The following KCNT2 variants were observed in gnomAD, a reference collection of about 807,000 sequenced individuals.
The protein encoded by KCNT2 is potassium channel subfamily T member 2.
A neutral mutation model predicts 153.8 loss-of-function variants in KCNT2; 67 were observed. The observed-to-expected ratio is 0.44, with a 90% CI of 0.36 to 0.53. KCNT2 has a LOEUF of 0.53. Ranked by LOEUF, KCNT2 falls within the 20% of genes least tolerant of loss-of-function variation. The pLI is 0.00. For synonymous variants in KCNT2, 500 were observed against 458.8 expected, an observed-to-expected ratio of 1.09 and a Z score of -1.15; for missense variants, 975 against 1,354.8, an observed-to-expected ratio of 0.72 and a Z score of 4.40.
intron 1 of KCNT2, among the ~76,000 whole-genome samples, chr1:196,524,352 G>A (rs547547792): frequency 2.7e-5 from 4 of 150,614 alleles, no homozygotes; most frequent in East Asian, 3.9e-4. Flanking sequence ...AAAGGTCCAC[G>A]GACTGAGAAT....
intron 25 of KCNT2, among the ~76,000 whole-genome samples, chr1:196,263,943 T>G (rs1442570642): frequency 6.6e-6 from 1 of 152,172 alleles, no homozygotes; most frequent in Non-Finnish European, 1.5e-5. Context: ...CTGCATTGTG[T>G]GTATATGTGT....
At chr1:196,564,594 A>T (rs1375040559) in intron 1 of KCNT2, among the ~76,000 whole-genome samples, 1 of 152,032 alleles carries the variant, frequency 6.6e-6, no homozygotes, top group African/African-American at 2.4e-5. Context: ...ATCTGGCTTC[A>T]AATATACCAC....
intron 1 of KCNT2, among the ~76,000 whole-genome samples, chr1:196,531,722 C>T (rs1464244865): frequency 6.6e-6 from 1 of 152,022 alleles, no homozygotes; most frequent in Non-Finnish European, 1.5e-5. Context: ...GAAATAAGAG[C>T]TCAGTGATTA....
At chr1:196,314,274 T>C (rs1662484201) in intron 21 of KCNT2, among the ~76,000 whole-genome samples, 2 of 151,614 alleles carry the variant, frequency 1.3e-5, no homozygotes, top group South Asian at 2.1e-4. Context: ...TCCTCTTTTA[T>C]ATAATTAGCT....
At chr1:196,244,949 G>A (rs1037976009) in intron 26 of KCNT2, among the ~76,000 whole-genome samples, 2 of 152,142 alleles carry the variant, frequency 1.3e-5, no homozygotes, top group African/African-American at 4.8e-5. Context: ...CAGTAGTGCT[G>A]GCCAGAGGGG....
intron 1 of KCNT2, among the ~76,000 whole-genome samples, chr1:196,571,926 G>C (rs1014782496): frequency 6.6e-6 from 1 of 152,086 alleles, no homozygotes; most frequent in African/African-American, 2.4e-5. Context: ...ATATGACCTT[G>C]ATTGTGCAGG....
At chr1:196,269,680 TA>T (rs1012218746) in intron 25 of KCNT2, among the ~76,000 whole-genome samples, 2 of 152,022 alleles carry the variant, frequency 1.3e-5, no homozygotes, top group African/African-American at 4.8e-5. Flanking sequence ...CTACCTGCCA[TA>T]AAAAATACCT....
chr1:196,342,033 G>C (rs767464730), intron 15 of KCNT2, 46 bp downstream of exon 15: 29 of 1,580,592 alleles, frequency 1.8e-5, no homozygotes, highest in Non-Finnish European at 2.5e-5. Context: ...CACATGATAT[G>C]CTTGACTGAT....
intron 1 of KCNT2, among the ~76,000 whole-genome samples, chr1:196,560,160 A>T (rs1392069552): frequency 6.6e-6 from 1 of 151,946 alleles, no homozygotes. Context: ...AATAGTGAAC[A>T]AAACCTGATG....
chr1:196,409,833 C>T (rs1307945096), intron 12 of KCNT2, among the ~76,000 whole-genome samples: 1 of 151,644 alleles, frequency 6.6e-6, no homozygotes, highest in Non-Finnish European at 1.5e-5. Flanking sequence ...ATTTCTGAGT[C>T]ATATGGCAAT....
chr1:196,546,414 T>C (rs913741810), intron 1 of KCNT2, among the ~76,000 whole-genome samples: 2 of 152,050 alleles, frequency 1.3e-5, no homozygotes, highest in South Asian at 4.1e-4. Context: ...CTTTGCAGCA[T>C]ATGGGCCTCC....
At chr1:196,267,963 C>G (rs1462088563) in intron 25 of KCNT2, among the ~76,000 whole-genome samples, 1 of 152,138 alleles carries the variant, frequency 6.6e-6, no homozygotes, top group African/African-American at 2.4e-5. Flanking sequence ...TGGGATTAAT[C>G]AAGTGAACAG....
At chr1:196,485,197 C>T (rs1679323014) in intron 3 of KCNT2, among the ~76,000 whole-genome samples, 1 of 151,898 alleles carries the variant, frequency 6.6e-6, no homozygotes, top group South Asian at 2.1e-4. Context: ...AACATAGGAA[C>T]AGAAAACCAA....
rs1314423443 is a variant in KCNT2 at position 196,425,844 on chromosome 1, A to T, written c.1121+8T>A. On this transcript the variant is annotated splice_region_variant and intron_variant, in intron 11 of 27. Transcript: ENST00000294725. ...GTAAGCTGCAAGATGAAAGGCAGGG[A>T]TACCTACTTTGCTCTCAATAGGTCT... 4.1e-5 allele frequency: 66 copies of T among 1,610,878 alleles called. No individual in the cohort carries two copies. The highest frequency in any genetic ancestry group is 5.5e-5 in the Non-Finnish European group (65 of 1,178,308).
chr1:196,370,559 G>A (rs1463514045), intron 14 of KCNT2, among the ~76,000 whole-genome samples: 2 of 151,760 alleles, frequency 1.3e-5, no homozygotes, highest in Non-Finnish European at 2.9e-5. Flanking sequence ...AAAAAGCGCG[G>A]ATAATTACGA....
intron 22 of KCNT2, among the ~76,000 whole-genome samples, chr1:196,294,478 G>T (rs1388272018): frequency 6.6e-6 from 1 of 151,990 alleles, no homozygotes; most frequent in East Asian, 1.9e-4. Flanking sequence ...GTTTCACCAT[G>T]TTGGCCAGGA....
chr1:196,298,252 C>T (rs574892422), intron 22 of KCNT2, among the ~76,000 whole-genome samples: 3 of 152,240 alleles, frequency 2.0e-5, no homozygotes, highest in African/African-American at 7.2e-5. Flanking sequence ...AGTTAAGGGG[C>T]TCAGTCCCAG....
intron 12 of KCNT2, among the ~76,000 whole-genome samples, chr1:196,418,519 G>A (rs1672934586): frequency 6.6e-6 from 1 of 151,922 alleles, no homozygotes; most frequent in Non-Finnish European, 1.5e-5. Flanking sequence ...GACTTAAACA[G>A]AAGACATTTA....
intron 12 of KCNT2, among the ~76,000 whole-genome samples, chr1:196,400,216 C>G (rs1052773616): frequency 2.6e-5 from 4 of 151,652 alleles, no homozygotes; most frequent in Admixed American, 2.6e-4. Context: ...TTATAGATAA[C>G]TTAATGGAGG....
Sources: gnomAD v4.1 joint callset for allele counts (sites outside exome capture counted in the v4.1 genomes callset) on GRCh38, gnomAD v4.1.1 for gene constraint, MANE v1.5 for transcripts, NCBI Gene and HGNC (gene_info 2026-07-23, HGNC 2026-07-21) for gene names.